The following TAF3 variants were observed in gnomAD, a reference collection of about 807,000 sequenced individuals.
The protein encoded by TAF3 is transcription initiation factor TFIID subunit 3.
In TAF3, 7 loss-of-function variants were observed where a neutral mutation model predicts 80.6. The ratio of observed to expected loss-of-function variants is 0.09; its 90% CI spans 0.05 to 0.16. The LOEUF (loss-of-function observed/expected upper bound fraction) is 0.16, where lower values mean the gene tolerates loss of function less well. Among genes scored for constraint, TAF3 ranks in the 10% least tolerant of loss-of-function variants. The pLI is 1.00. For synonymous variants in TAF3, 444 were observed against 446.1 expected (o/e 1.00, Z 0.06); for missense variants, 921 against 1,140.2 (o/e 0.81, Z 2.77).
chr10:7,882,844 TC>T (rs573726700), intron 2 of TAF3, among the ~76,000 whole-genome samples: 91 of 152,340 alleles, frequency 6.0e-4, no homozygotes, highest in African/African-American at 2.1e-3. Flanking sequence ...CACAAAGAAT[TC>T]CTAAGTATTC....
chr10:8,006,816 A>G (rs934914248), intron 4 of TAF3, among the ~76,000 whole-genome samples: 15 of 152,328 alleles, frequency 9.8e-5, no homozygotes, highest in African/African-American at 3.4e-4. Flanking sequence ...GTCGTGAGCA[A>G]CAGCCGTGAA....
At chr10:7,971,237 T>G (rs1367105611) in intron 3 of TAF3, among the ~76,000 whole-genome samples, 3 of 152,202 alleles carry the variant, frequency 2.0e-5, no homozygotes, top group Admixed American at 6.5e-5. Context: ...AGAGTTTACT[T>G]AGACTGTGTT....
chr10:8,008,717 C>G (rs551845378), intron 4 of TAF3, among the ~76,000 whole-genome samples: 1 of 152,238 alleles, frequency 6.6e-6, no homozygotes, highest in South Asian at 2.1e-4. Context: ...CCTGTCAGGC[C>G]CCCCCGAGGA....
intron 2 of TAF3, among the ~76,000 whole-genome samples, chr10:7,953,904 G>T (rs544388182): frequency 6.1e-5 from 9 of 147,802 alleles, no homozygotes; most frequent in African/African-American, 2.2e-4. Flanking sequence ...GATTCAGAGT[G>T]CACTCCATAG....
At chr10:7,855,399 G>C (rs1303805873) in intron 2 of TAF3, among the ~76,000 whole-genome samples, 1 of 152,202 alleles carries the variant, frequency 6.6e-6, no homozygotes, top group African/African-American at 2.4e-5. Context: ...ATGGCATCCT[G>C]AAAACAAGGG....
intron 2 of TAF3, among the ~76,000 whole-genome samples, chr10:7,864,661 T>C (rs914971757): frequency 2.2e-4 from 33 of 152,214 alleles, no homozygotes; most frequent in African/African-American, 7.7e-4. Context: ...TTTGTCTTTT[T>C]ATTATTCAGC....
At chr10:7,888,755 C>T (rs1038985425) in intron 2 of TAF3, among the ~76,000 whole-genome samples, 13 of 152,232 alleles carry the variant, frequency 8.5e-5, no homozygotes, top group African/African-American at 2.4e-4. Context: ...ACAGAGCTTT[C>T]GCATCTGTTC....
intron 2 of TAF3, among the ~76,000 whole-genome samples, chr10:7,904,772 A>G (rs1837591880): frequency 6.6e-6 from 1 of 151,764 alleles, no homozygotes; most frequent in Non-Finnish European, 1.5e-5. Context: ...AGCATTTGAA[A>G]CTTGGGGTTT....
In TAF3 at chr10:7,964,442, C is replaced by T. The variant is rs767561698; in HGVS notation, c.932C>T (p.Ser311Leu). The change falls in exon 3 of 7, where the codon TCA (serine) becomes TTA (leucine). Residue 311 changes from serine (S) to leucine (L), a missense_variant. Around this residue, in one of 6 missense-constraint regions of TAF3, gnomAD observed 743 missense variants for 821.0 expected, o/e 0.90. Transcript: ENST00000344293. This position sits in a 1 kb window ranked among gnomAD's most constrained non-coding sequence, Gnocchi z 4.1. ...AAAACTGTATCCAAAGAAAAGAAAT[C>T]ACCTGGACGTTCCAAGAGCCCCAAG... ...SPKTVSKEKK[S>L]PGRSKSPKSP... 6 of 1,613,952 alleles carry T rather than the reference C, an allele frequency of 3.7e-6. No individual in the cohort carries two copies. The highest frequency in any genetic ancestry group is 3.4e-6 in the Non-Finnish European group (4 of 1,180,024).
chr10:7,823,594 C>T lies in TAF3; in HGVS notation c.167-724C>T, dbSNP rs573704823. On this transcript the variant is annotated intron_variant, in intron 1 of 6. Coordinates refer to ENST00000344293, the MANE Select transcript of TAF3 (RefSeq NM_031923.4). The stretch of plus-strand genomic sequence containing the variant: ...GAGGCAGCAAGGAGCTGTGATCATA[C>T]CACTGCACTTCAGCCTGGGCAACAA... 3.9e-5 allele frequency among the ~76,000 whole-genome samples: 6 copies of T among 151,950 alleles called. No individual in the cohort carries two copies. In the South Asian group the frequency reaches 1.2e-3, roughly 32 times the overall value.
At chr10:7,851,865 G>A (rs1001158605) in intron 2 of TAF3, among the ~76,000 whole-genome samples, 2 of 151,886 alleles carry the variant, frequency 1.3e-5, no homozygotes, top group Non-Finnish European at 2.9e-5. Context: ...GCTTGCTGCA[G>A]CCTCAAACTC....
chr10:7,886,973 C>G (rs1837413984), intron 2 of TAF3, among the ~76,000 whole-genome samples: 1 of 152,062 alleles, frequency 6.6e-6, no homozygotes, highest in Non-Finnish European at 1.5e-5. Context: ...CGGTGGCTTA[C>G]ACCTGTAATC....
At chr10:7,897,658 C>CTT (rs1564359081) in intron 2 of TAF3, among the ~76,000 whole-genome samples, 132 of 150,816 alleles carry the variant, frequency 8.8e-4, no homozygotes, top group Middle Eastern at 3.4e-3. Flanking sequence ...CTCTCTCTCT[C>CTT]TCTTTCTTTC....
chr10:7,997,366 A>G (rs1026497878), intron 4 of TAF3, among the ~76,000 whole-genome samples: 4 of 152,250 alleles, frequency 2.6e-5, no homozygotes, highest in African/African-American at 9.6e-5. Flanking sequence ...TTTGCACACA[A>G]TAGCTGAATA....
chr10:7,926,147 C>CT (rs1837813803), intron 2 of TAF3, among the ~76,000 whole-genome samples: 1 of 152,206 alleles, frequency 6.6e-6, no homozygotes, highest in African/African-American at 2.4e-5. Flanking sequence ...ACTGGTCTGA[C>CT]TGAGAAAGGG....
At chr10:7,931,844 A>G (rs948201332) in intron 2 of TAF3, among the ~76,000 whole-genome samples, 1 of 152,200 alleles carries the variant, frequency 6.6e-6, no homozygotes, top group Non-Finnish European at 1.5e-5. Context: ...TACCTGCTCA[A>G]AGTATTGTTT....
At chr10:7,971,151 C>T (rs993949037) in intron 3 of TAF3, among the ~76,000 whole-genome samples, 1 of 152,184 alleles carries the variant, frequency 6.6e-6, no homozygotes, top group Non-Finnish European at 1.5e-5. Context: ...CAGCTGTCTA[C>T]ATGGGGTGGC....
chr10:7,870,043 A>T (rs889975900), intron 2 of TAF3, among the ~76,000 whole-genome samples: 2 of 152,204 alleles, frequency 1.3e-5, no homozygotes, highest in African/African-American at 4.8e-5. Flanking sequence ...AAATTAGATA[A>T]TTAGGAGAAA....
chr10:8,007,428 A>G (rs1832004950), intron 4 of TAF3, among the ~76,000 whole-genome samples: 1 of 151,704 alleles, frequency 6.6e-6, no homozygotes, highest in South Asian at 2.1e-4. Flanking sequence ...AAACAAAAAC[A>G]TACCTGTCTT....
Sources: gnomAD v4.1 joint callset for allele counts (sites outside exome capture counted in the v4.1 genomes callset) on GRCh38, gnomAD v4.1.1 for gene constraint, gnomAD v4.1.1 regional missense constraint, Gnocchi (gnomAD v3.1) non-coding constraint, MANE v1.5 for transcripts, NCBI Gene and HGNC (gene_info 2026-07-23, HGNC 2026-07-21) for gene names.